The following DAPK1 variants were observed in gnomAD, a reference collection of about 807,000 sequenced individuals.
The protein encoded by DAPK1 is death associated protein kinase 1, also known as death-associated protein kinase 1.
In DAPK1, 56 loss-of-function variants were observed where a neutral mutation model predicts 144.9. The observed-to-expected ratio is 0.39, with a 90% confidence interval of 0.31 to 0.48. DAPK1 has a LOEUF of 0.48. Ranked by LOEUF, DAPK1 falls within the 20% of genes least tolerant of loss-of-function variation. DAPK1 has a pLI of 0.95. For missense variants in DAPK1, 1,454 were observed against 1,875.4 expected (o/e 0.78, Z 4.15); for synonymous variants, 690 against 749.0 (o/e 0.92, Z 1.29).
chr9:87,507,663 T>TAAACAC (rs1440033340), intron 2 of DAPK1, among the ~76,000 whole-genome samples: 1 of 152,160 alleles, frequency 6.6e-6, no homozygotes. Flanking sequence ...TTTCCCTTTA[T>TAAACAC]AAACACATAC....
Position 87,686,562 on chromosome 9 carries a change from A to T in DAPK1, c.2236A>T (p.Ile746Phe). 1 of 1,560,854 alleles carries T rather than the reference A, an allele frequency of 6.4e-7. No individual in the cohort carries two copies. Among genetic ancestry groups the T allele is most frequent in the Non-Finnish European group, 8.7e-7 (1 of 1,148,410 alleles). Residue 746 changes from isoleucine (I) to phenylalanine (F), a missense_variant, in exon 21 of 26, where the codon ATC becomes TTC. Around this residue, in one of 2 missense-constraint regions of DAPK1, gnomAD observed 1,025 missense variants for 1,237.9 expected, o/e 0.83. Coordinates refer to ENST00000408954, the MANE Select transcript of DAPK1 (RefSeq NM_004938.4). This position sits in a 1 kb window ranked among gnomAD's most constrained non-coding sequence, Gnocchi z 4.2. ...TTTCCATCCTGCAGTCTCAGTGAGCATCAACAACCTGTACCCAGGCTGCGA... is the reference window on the plus strand; with the variant it reads ...TTTCCATCCTGCAGTCTCAGTGAGCTTCAACAACCTGTACCCAGGCTGCGA... ...LASKPTVSVS[I>F]NNLYPGCENV... is the part of the protein sequence containing the mutation.
intron 2 of DAPK1, among the ~76,000 whole-genome samples, chr9:87,595,546 A>G (rs1828283507): frequency 6.6e-6 from 1 of 152,196 alleles, no homozygotes; most frequent in Non-Finnish European, 1.5e-5. Context: ...ATAAAGAGGT[A>G]TCTTGAGCTA....
At chr9:87,676,347 A>C (rs1380899297) in intron 19 of DAPK1, among the ~76,000 whole-genome samples, 1 of 152,218 alleles carries the variant, frequency 6.6e-6, no homozygotes, top group Non-Finnish European at 1.5e-5. Flanking sequence ...TTGGAGATAG[A>C]TCATTACGTG....
At chr9:87,545,511 C>T (rs569698564) in intron 2 of DAPK1, among the ~76,000 whole-genome samples, 1 of 152,270 alleles carries the variant, frequency 6.6e-6, no homozygotes, top group South Asian at 2.1e-4. Context: ...TTAGGCTTGC[C>T]TCGGCTGGTG....
chr9:87,571,473 A>ACACACACCCC lies in DAPK1; in HGVS notation c.63-33480_63-33479insACACACCCCC, dbSNP rs377253457. Reference sequence around the variant, plus strand: ...CACACACACACACACACACACACACACCAACACACACACACACACACCCCA... The same window carrying ACACACACCCC: ...CACACACACACACACACACACACACACACACACCCCCCAACACACACACACACACACCCCA... On this transcript the variant is annotated intron_variant, in intron 2 of 25. Coordinates refer to ENST00000408954, the MANE Select transcript of DAPK1 (RefSeq NM_004938.4). 8.2e-4 allele frequency among the ~76,000 whole-genome samples: 47 copies of ACACACACCCC among 57,644 alleles called. 6 individuals carry two copies. The highest frequency in any genetic ancestry group is 2.6e-3 in the South Asian group (3 of 1,142). The allele number at this position is 57,644 out of a possible 152,430, so 37.8% of individuals were successfully genotyped here.
intron 19 of DAPK1, among the ~76,000 whole-genome samples, chr9:87,675,488 C>G (rs1202951808): frequency 6.6e-6 from 1 of 152,054 alleles, no homozygotes; most frequent in East Asian, 1.9e-4. Context: ...GAGGATGTAC[C>G]TGGGTGTGCA....
chr9:87,663,765 G>GC (rs968616871), intron 18 of DAPK1, among the ~76,000 whole-genome samples: 8 of 151,812 alleles, frequency 5.3e-5, no homozygotes, highest in African/African-American at 1.9e-4. Flanking sequence ...GAGGCCCTCG[G>GC]CCCCCCCACA....
chr9:87,617,756 G>A (rs539261879), intron 3 of DAPK1, among the ~76,000 whole-genome samples: 1 of 152,224 alleles, frequency 6.6e-6, no homozygotes, highest in South Asian at 2.1e-4. Flanking sequence ...TGGCCTACTC[G>A]ACATTTCCTC....
intron 3 of DAPK1, among the ~76,000 whole-genome samples, chr9:87,618,124 A>G (rs1170675777): frequency 1.3e-5 from 2 of 152,214 alleles, no homozygotes; most frequent in Admixed American, 6.5e-5. Context: ...CCCTGGATTC[A>G]TTACAAAACA....
At chr9:87,511,415 T>A in intron 2 of DAPK1, among the ~76,000 whole-genome samples, 1 of 151,992 alleles carries the variant, frequency 6.6e-6, no homozygotes, top group African/African-American at 2.4e-5. Context: ...CAAGACACCA[T>A]GGGAAAGGGA....
Position 87,686,447 on chromosome 9 carries a change from G to T in DAPK1, c.2225-104G>T. ...AGCCTGAAGCCAGAGTTGGGGTGGG[G>T]ACAGAGGCGTGCTCCAGAAAAGGAA... On this transcript the variant is annotated intron_variant, in intron 20 of 25. Transcript: ENST00000408954. This position sits in a 1 kb window ranked among gnomAD's most constrained non-coding sequence, Gnocchi z 4.2. The T allele has an allele frequency of 1.5e-6, 1 of 672,796 alleles. No homozygotes were observed. The highest frequency in any genetic ancestry group is 2.7e-6 in the Non-Finnish European group (1 of 373,320). 41.7% of individuals were successfully genotyped at this position (672,796 alleles called of 1,614,324 possible). A position where few individuals can be genotyped will look rare whatever the true frequency, so the allele number is the denominator to read the frequency against.
rs893950983 is a variant in DAPK1 at position 87,545,742 on chromosome 9, A to G, written c.62+46603A>G. Reference sequence around the variant, plus strand: ...GTATTTTTAGTAGAGAAGGGGTTTCACCATGTTGGTCAGGCTGGTCTCGAA... The same window carrying G: ...GTATTTTTAGTAGAGAAGGGGTTTCGCCATGTTGGTCAGGCTGGTCTCGAA... On this transcript the variant is annotated intron_variant, in intron 2 of 25. Coordinates refer to ENST00000408954, the MANE Select transcript of DAPK1 (RefSeq NM_004938.4). 7.2e-5 allele frequency among the ~76,000 whole-genome samples: 11 copies of G among 151,806 alleles called. 1 individual carries two copies. The South Asian group carries it at 2.3e-3, about 32-fold the overall frequency.
chr9:87,671,930 G>A (rs937869763), intron 19 of DAPK1, among the ~76,000 whole-genome samples: 1 of 152,182 alleles, frequency 6.6e-6, no homozygotes, highest in African/African-American at 2.4e-5. Flanking sequence ...GTGCCTAAGA[G>A]CAGAGACTGG....
At chr9:87,519,527 C>G (rs1825213284) in intron 2 of DAPK1, among the ~76,000 whole-genome samples, 1 of 149,498 alleles carries the variant, frequency 6.7e-6, no homozygotes, top group African/African-American at 2.4e-5. Context: ...TCTGGCTGAT[C>G]ATGTCAGAGA....
chr9:87,609,037 G>T (rs1272223256), intron 3 of DAPK1, among the ~76,000 whole-genome samples: 1 of 152,180 alleles, frequency 6.6e-6, no homozygotes, highest in Non-Finnish European at 1.5e-5. Context: ...ACACATTCGG[G>T]AATGTGGGTG....
At chr9:87,570,197 C>A (rs1033174423) in intron 2 of DAPK1, among the ~76,000 whole-genome samples, 1 of 152,080 alleles carries the variant, frequency 6.6e-6, no homozygotes, top group African/African-American at 2.4e-5. Context: ...ATTACTAAAG[C>A]TTTTATGGAC....
intron 2 of DAPK1, among the ~76,000 whole-genome samples, chr9:87,557,984 C>T (rs192145424): frequency 1.3e-5 from 2 of 152,254 alleles, no homozygotes; most frequent in Admixed American, 6.5e-5. Context: ...TTTAGCCAGG[C>T]GTGTCTCTTG....
intron 2 of DAPK1, among the ~76,000 whole-genome samples, chr9:87,597,995 G>A (rs770847532): frequency 9.9e-5 from 15 of 152,168 alleles, no homozygotes; most frequent in Non-Finnish European, 1.9e-4. Flanking sequence ...TCTTCCCACA[G>A]TGAAGTATTT....
chr9:87,686,378 G>A lies in DAPK1; in HGVS notation c.2225-173G>A, dbSNP rs549444085. On this transcript the variant is annotated intron_variant, in intron 20 of 25. Transcript: ENST00000408954. This position sits in a 1 kb window ranked among gnomAD's most constrained non-coding sequence, Gnocchi z 4.2. ...AGCAAGCGGAAAAGCCCACAGCCTT[G>A]CTGGGAACACTGCTGCCCTGCACGT... 3.9e-5 allele frequency among the ~76,000 whole-genome samples: 6 copies of A among 152,284 alleles called. No homozygotes were observed. The highest frequency in any genetic ancestry group is 1.3e-4 in the Admixed American group (2 of 15,300).
Sources: allele counts gnomAD v4.1 joint callset (sites outside exome capture counted in the v4.1 genomes callset), GRCh38; gene constraint gnomAD v4.1.1; regional missense constraint gnomAD v4.1.1; non-coding constraint Gnocchi (gnomAD v3.1); transcripts MANE v1.5; gene names NCBI Gene and HGNC (gene_info 2026-07-23, HGNC 2026-07-21).